The following ANO3 variants were observed in gnomAD, a reference collection of about 807,000 sequenced individuals.
The protein encoded by ANO3 is anoctamin-3.
In ANO3, 99 loss-of-function variants were observed where a neutral mutation model predicts 144.8. That is an observed-to-expected ratio of 0.68 (90% CI 0.58 to 0.81). ANO3 has a LOEUF of 0.81. ANO3 is among the 30% of genes least tolerant of loss of function. ANO3 has a pLI of 0.00. For synonymous variants in ANO3, 414 were observed against 392.6 expected (o/e 1.05, Z -0.64); for missense variants, 905 against 1,202.2 (o/e 0.75, Z 3.66).
intron 1 of ANO3, among the ~76,000 whole-genome samples, chr11:26,201,249 C>T (rs747399639): frequency 1.3e-5 from 2 of 152,068 alleles, no homozygotes; most frequent in Admixed American, 6.6e-5. Flanking sequence ...AAGGAAAATA[C>T]GTTTTCTGAT....
chr11:26,653,838 C>T (rs1045704065), intron 24 of ANO3, among the ~76,000 whole-genome samples: 1 of 152,098 alleles, frequency 6.6e-6, no homozygotes, highest in Non-Finnish European at 1.5e-5. Flanking sequence ...TTTCCCTTAG[C>T]CTAATCTATT....
chr11:26,393,496 G>T (rs1284410584), intron 1 of ANO3, among the ~76,000 whole-genome samples: 1 of 152,112 alleles, frequency 6.6e-6, no homozygotes, highest in Non-Finnish European at 1.5e-5. Flanking sequence ...ATTAAAGGTT[G>T]CTTCCCATAT....
At chr11:26,562,533 C>G (rs1850334351) in intron 14 of ANO3, among the ~76,000 whole-genome samples, 1 of 151,984 alleles carries the variant, frequency 6.6e-6, no homozygotes, top group South Asian at 2.1e-4. Context: ...TTTTAGTATA[C>G]ATATTTCTCA....
intron 4 of ANO3, among the ~76,000 whole-genome samples, chr11:26,492,135 A>C (rs1860733588): frequency 6.6e-6 from 1 of 152,274 alleles, no homozygotes; most frequent in Non-Finnish European, 1.5e-5. Context: ...GTTATCTAGA[A>C]TTAAAATAGT....
chr11:26,214,667 C>A (rs961437608), intron 1 of ANO3, among the ~76,000 whole-genome samples: 4 of 151,870 alleles, frequency 2.6e-5, no homozygotes, highest in African/African-American at 9.7e-5. Context: ...CAAAGAATCA[C>A]CACATACACC....
At chr11:26,230,832 AAAAAAAGTTTATCTTTTTAC>A in intron 1 of ANO3, among the ~76,000 whole-genome samples, 1 of 142,718 alleles carries the variant, frequency 7.0e-6, no homozygotes, top group Admixed American at 6.9e-5. Flanking sequence ...AAAAAAAAAA[AAAAAAAGTTTATCTTTTTAC>A]AAAAAGTTTT....
At chr11:26,342,821 T>C (rs898641717) in intron 1 of ANO3, among the ~76,000 whole-genome samples, 1 of 151,888 alleles carries the variant, frequency 6.6e-6, no homozygotes, top group African/African-American at 2.4e-5. Context: ...TTTTATCACT[T>C]TATTTTTTTT....
chr11:26,441,425 A>G (rs1292399409), intron 1 of ANO3, among the ~76,000 whole-genome samples: 2 of 152,112 alleles, frequency 1.3e-5, no homozygotes, highest in East Asian at 3.9e-4. Flanking sequence ...CCTGCTGCCC[A>G]GTTTTTATAC....
chr11:26,601,534 A>C (rs1259709776), intron 17 of ANO3, among the ~76,000 whole-genome samples: 1 of 74,266 alleles, frequency 1.3e-5, no homozygotes, highest in African/African-American at 3.5e-5. Flanking sequence ...GTGTATAATA[A>C]ACATTGAAAA....
chr11:26,445,828 T>C (rs758863705), intron 3 of ANO3, among the ~76,000 whole-genome samples: 3 of 151,742 alleles, frequency 2.0e-5, no homozygotes, highest in Non-Finnish European at 4.4e-5. Context: ...TATTTTATTT[T>C]ATTATTATTA....
intron 1 of ANO3, among the ~76,000 whole-genome samples, chr11:26,214,247 T>C (rs1851992729): frequency 1.3e-5 from 2 of 150,768 alleles, no homozygotes; most frequent in South Asian, 4.2e-4. Flanking sequence ...TGAATATAAG[T>C]AATAAAATAA....
chr11:26,554,122 A>G (rs1850017515), intron 13 of ANO3, among the ~76,000 whole-genome samples: 1 of 151,972 alleles, frequency 6.6e-6, no homozygotes, highest in South Asian at 2.1e-4. Context: ...TCTAGCAGCC[A>G]CCTGCTTTGT....
Position 26,215,322 on chromosome 11 carries a change from T to C in ANO3, c.154+25992T>C, listed in dbSNP as rs994317061. Among the ~76,000 whole-genome samples, 5 of 152,160 alleles carry C rather than the reference T, an allele frequency of 3.3e-5. No individual in the cohort carries two copies. In the East Asian group the frequency reaches 5.8e-4, roughly 18 times the overall value. ...TTTCTATTGTTATGGCCACAAAGTA[T>C]ACTTATTTTATACTTTGGGTTTTAA... On this transcript the variant is annotated intron_variant, in intron 1 of 27. Coordinates refer to the ANO3 transcript ENST00000672621.
intron 1 of ANO3, among the ~76,000 whole-genome samples, chr11:26,386,535 G>C (rs1266217828): frequency 6.6e-6 from 1 of 152,194 alleles, no homozygotes; most frequent in Non-Finnish European, 1.5e-5. Context: ...ATACTAACAT[G>C]ACCAGGTAAT....
intron 1 of ANO3, among the ~76,000 whole-genome samples, chr11:26,369,244 A>C (rs1007865596): frequency 5.3e-5 from 8 of 152,188 alleles, no homozygotes; most frequent in African/African-American, 1.9e-4. Flanking sequence ...TGCATTTCTG[A>C]AATTCTTATC....
At position 26,531,306 on chromosome 11, in the gene ANO3, C is replaced by T; in HGVS notation, c.839C>T (p.Thr280Ile). 1 of 1,613,750 alleles carries T rather than the reference C, an allele frequency of 6.2e-7. No homozygotes were observed. Among genetic ancestry groups the T allele is most frequent in the Non-Finnish European group, 8.5e-7 (1 of 1,179,846 alleles). Reference protein sequence around the residue: ...FPDLEESDCYTGPFSRARIHH... With the variant: ...FPDLEESDCYIGPFSRARIHH... ...GACCTAGAGGAGTCAGACTGCTATA[C>T]TGGCCCCTTCAGCCGTGCACGGATT... Residue 280 changes from threonine to isoleucine, a missense_variant, in exon 8 of 27, where the codon ACT becomes ATT. Transcript: ENST00000256737.
chr11:26,555,721 A>G (rs1850064875), intron 13 of ANO3, among the ~76,000 whole-genome samples: 1 of 152,194 alleles, frequency 6.6e-6, no homozygotes, highest in African/African-American at 2.4e-5. Context: ...CTTTAAAAAT[A>G]AGAGTTCCTC....
chr11:26,210,822 G>A (rs532233464), intron 1 of ANO3, among the ~76,000 whole-genome samples: 52 of 151,878 alleles, frequency 3.4e-4, no homozygotes, highest in African/African-American at 1.0e-3. Context: ...TGATTTTTGC[G>A]CATTGATTTT....
chr11:26,282,683 T>C (rs1366446087), intron 1 of ANO3, among the ~76,000 whole-genome samples: 2 of 152,142 alleles, frequency 1.3e-5, no homozygotes, highest in African/African-American at 4.8e-5. Flanking sequence ...ATCTCCAGTG[T>C]ATCCAGTTGA....
Sources: gnomAD v4.1 joint callset for allele counts (sites outside exome capture counted in the v4.1 genomes callset) on GRCh38, gnomAD v4.1.1 for gene constraint, MANE v1.5 for transcripts, NCBI Gene and HGNC (gene_info 2026-07-23, HGNC 2026-07-21) for gene names.